RTL4: variants seen among roughly 807,000 people sequenced by gnomAD.
RTL4 encodes retrotransposon Gag like 4.
Under a neutral mutation model 5.3 loss-of-function variants are expected in RTL4, and 4 were observed. The ratio of observed to expected loss-of-function variants is 0.75; its 90% CI spans 0.37 to 1.72. The LOEUF is 1.72. Ranked by LOEUF, RTL4 falls within the 40% of genes most tolerant of loss-of-function variation. The pLI is 0.04. For missense variants in RTL4, 260 were observed against 227.1 expected (o/e 1.14, Z -0.93); for synonymous variants, 98 against 87.3 (o/e 1.12, Z -0.68).
the RTL4 span, among the ~76,000 whole-genome samples, chrX:112,278,355 C>A: frequency 1.8e-5 from 2 of 112,061 alleles, no homozygotes; most frequent in Non-Finnish European, 3.8e-5. Flanking sequence ...GCAGTCAGGC[C>A]TTTACCTCTA....
chrX:112,245,368 A>G, the RTL4 span, among the ~76,000 whole-genome samples: 1 of 110,675 alleles, frequency 9.0e-6, no homozygotes, highest in Non-Finnish European at 1.9e-5. Flanking sequence ...ACATAGTCCC[A>G]TATTTCTTGG....
chrX:112,267,885 A>T, the RTL4 span, among the ~76,000 whole-genome samples: 4 of 111,191 alleles, frequency 3.6e-5, no homozygotes, highest in Non-Finnish European at 7.5e-5. Flanking sequence ...CATCATTTTT[A>T]TTGCCATGAC....
the RTL4 span, among the ~76,000 whole-genome samples, chrX:112,092,900 G>A: frequency 9.0e-6 from 1 of 111,279 alleles, no homozygotes; most frequent in East Asian, 2.8e-4. Context: ...CCTCTAAATT[G>A]CCCAGTCTCA....
chrX:112,288,889 A>G, the RTL4 span, among the ~76,000 whole-genome samples: 6 of 111,825 alleles, frequency 5.4e-5, no homozygotes, highest in Middle Eastern at 9.3e-3. Context: ...TGTGGAAAGT[A>G]TTATTTTTCC....
the RTL4 span, among the ~76,000 whole-genome samples, chrX:112,158,542 C>T: frequency 1.0e-4 from 11 of 108,665 alleles, no homozygotes; most frequent in African/African-American, 1.7e-4. Flanking sequence ...ACATAGAATA[C>T]GAATTTTTTT....
At chrX:112,124,615 G>A in the RTL4 span, among the ~76,000 whole-genome samples, 4 of 107,871 alleles carry the variant, frequency 3.7e-5, no homozygotes, top group Admixed American at 4.0e-4. Flanking sequence ...ATAAGTGGGA[G>A]TTGAACAATG....
chrX:112,329,121 A>G, the RTL4 span, among the ~76,000 whole-genome samples: 1 of 110,769 alleles, frequency 9.0e-6, no homozygotes, highest in African/African-American at 3.3e-5. Flanking sequence ...GAGCAAACAC[A>G]TTCAAAAGCT....
At chrX:112,190,181 T>TTTC in the RTL4 span, among the ~76,000 whole-genome samples, 1 of 101,417 alleles carries the variant, frequency 9.9e-6, no homozygotes, top group Non-Finnish European at 2.0e-5. Flanking sequence ...TCTTTCTTTC[T>TTTC]TTCTTTCTTT....
the RTL4 span, among the ~76,000 whole-genome samples, chrX:112,162,924 C>A: frequency 8.9e-6 from 1 of 111,951 alleles, no homozygotes; most frequent in Non-Finnish European, 1.9e-5. Context: ...TATTTAGCGG[C>A]ATCTGAAAAT....
chrX:112,158,905 T>A, the RTL4 span, among the ~76,000 whole-genome samples: 1 of 111,672 alleles, frequency 9.0e-6, no homozygotes, highest in Non-Finnish European at 1.9e-5. Flanking sequence ...AGACTGACTT[T>A]CGAAAGGTTT....
the RTL4 span, among the ~76,000 whole-genome samples, chrX:112,184,029 G>A: frequency 1.8e-5 from 2 of 110,646 alleles, no homozygotes; most frequent in East Asian, 5.7e-4. Context: ...TCTAGTTCTA[G>A]ATCCCATTTC....
exon 1 of RTL4, chrX:112,454,684 C>A: frequency 9.1e-7 from 1 of 1,101,893 alleles, no homozygotes; most frequent in Non-Finnish European, 1.2e-6. Context: ...GTTTCCAGTA[C>A]TAGTACTCAA....
the RTL4 span, among the ~76,000 whole-genome samples, chrX:112,348,635 T>C: frequency 9.0e-6 from 1 of 110,818 alleles, no homozygotes; most frequent in Non-Finnish European, 1.9e-5. Flanking sequence ...CATCTGGATA[T>C]ACTGTGTTCC....
chrX:112,303,322 A>G, the RTL4 span, among the ~76,000 whole-genome samples: 1 of 110,596 alleles, frequency 9.0e-6, no homozygotes, highest in Non-Finnish European at 1.9e-5. Flanking sequence ...TATATTATCC[A>G]TAAGTCCTTC....
chrX:112,383,839 C>G, the RTL4 span, among the ~76,000 whole-genome samples: 1 of 111,472 alleles, frequency 9.0e-6, no homozygotes, highest in African/African-American at 3.3e-5. Flanking sequence ...TAGAGGGATA[C>G]TAGAGTGGGG....
At chrX:112,426,763 CCTAT>C in the RTL4 span, among the ~76,000 whole-genome samples, 3 of 110,582 alleles carry the variant, frequency 2.7e-5, no homozygotes, top group African/African-American at 9.8e-5. Context: ...TTTTTTATTC[CCTAT>C]CTATCTATAT....
the RTL4 span, among the ~76,000 whole-genome samples, chrX:112,162,655 A>C: frequency 8.9e-6 from 1 of 112,065 alleles, no homozygotes; most frequent in Admixed American, 9.4e-5. Flanking sequence ...TGATTTTAGC[A>C]ATCAGCTACT....
the RTL4 span, among the ~76,000 whole-genome samples, chrX:112,341,492 G>A: frequency 9.0e-6 from 1 of 111,512 alleles, no homozygotes; most frequent in Non-Finnish European, 1.9e-5. Context: ...GGGATCAAAT[G>A]GCCTTTTGGT....
chrX:112,327,156 G>C, the RTL4 span, among the ~76,000 whole-genome samples: 1 of 112,565 alleles, frequency 8.9e-6, no homozygotes, highest in Admixed American at 9.4e-5. Flanking sequence ...GCTGGACGGA[G>C]AATGACTTTG....
Sources: allele counts gnomAD v4.1 joint callset (sites outside exome capture counted in the v4.1 genomes callset), GRCh38; gene constraint gnomAD v4.1.1; transcripts MANE v1.5; gene names NCBI Gene and HGNC (gene_info 2026-07-23, HGNC 2026-07-21).